The following DAB1 variants were observed in gnomAD, a reference collection of about 807,000 sequenced individuals.
The protein encoded by DAB1 is disabled homolog 1.
Under a neutral mutation model 64.6 loss-of-function variants are expected in DAB1, and 15 were observed. The observed-to-expected ratio is 0.23, with a 90% CI of 0.16 to 0.36. The LOEUF is 0.36. Ranked by LOEUF, DAB1 falls within the 10% of genes least tolerant of loss-of-function variation. The pLI is 1.00. For synonymous variants in DAB1, 235 were observed against 251.9 expected (o/e 0.93, Z 0.64); for missense variants, 596 against 706.7 (o/e 0.84, Z 1.78).
At chr1:57,087,991 T>G (rs1025803308) in intron 4 of DAB1, among the ~76,000 whole-genome samples, 1 of 152,190 alleles carries the variant, frequency 6.6e-6, no homozygotes, top group Non-Finnish European at 1.5e-5. Flanking sequence ...TCTACTTGGC[T>G]CCTCTGAGCC....
chr1:57,082,999 T>C (rs1570657830), intron 4 of DAB1, among the ~76,000 whole-genome samples: 3 of 152,168 alleles, frequency 2.0e-5, no homozygotes, highest in South Asian at 4.1e-4. Context: ...ATTCCCAAAA[T>C]TGGAAGATTC....
intron 5 of DAB1, among the ~76,000 whole-genome samples, chr1:58,104,703 A>G (rs1368444992): frequency 6.6e-6 from 1 of 152,228 alleles, no homozygotes; most frequent in African/African-American, 2.4e-5. Context: ...AGGGAGACAG[A>G]TGAGATAGCT....
At chr1:58,467,700 A>C (rs1447009445) in intron 3 of DAB1, among the ~76,000 whole-genome samples, 5 of 152,236 alleles carry the variant, frequency 3.3e-5, no homozygotes, top group African/African-American at 1.2e-4. Flanking sequence ...AAATTATTTT[A>C]TTATTTTTCA....
chr1:58,076,166 C>T (rs1414735171), intron 5 of DAB1, among the ~76,000 whole-genome samples: 1 of 152,126 alleles, frequency 6.6e-6, no homozygotes, highest in African/African-American at 2.4e-5. Flanking sequence ...GACAAAGATC[C>T]TTCTGTGATG....
intron 3 of DAB1, among the ~76,000 whole-genome samples, chr1:58,347,961 C>G (rs1158127391): frequency 6.6e-6 from 1 of 152,208 alleles, no homozygotes; most frequent in East Asian, 1.9e-4. Context: ...CTGGGAATGA[C>G]TATCCTCCAA....
chr1:57,011,165 T>G lies in DAB1; in HGVS notation c.1552A>C (p.Lys518Gln). ...IFEEGFESPSKSEEQEAPDGS... is the reference protein window; with the variant it reads ...IFEEGFESPSQSEEQEAPDGS... ...CTTACAGCTTCTTGCTCTTCGCTTT[T>G]GCTGGGACTTTCAAAGCCCTCTTCA... Residue 518 changes from lysine (K) to glutamine (Q), a missense_variant, in exon 13 of 15, where the codon AAA becomes CAA. Lys to Gln is a moderately conservative substitution (Grantham distance 53). Coordinates refer to ENST00000371236, the MANE Select transcript of DAB1 (RefSeq NM_001365792.1). 6.2e-7 allele frequency: 1 copy of G among 1,614,088 alleles called. No homozygotes were observed. Among genetic ancestry groups the G allele is most frequent in the Non-Finnish European group, 8.5e-7 (1 of 1,179,916 alleles).
chr1:57,015,843 C>G (rs538705001), intron 11 of DAB1, among the ~76,000 whole-genome samples: 1 of 152,334 alleles, frequency 6.6e-6, no homozygotes, highest in East Asian at 1.9e-4. Context: ...CTCTAAGAGT[C>G]TGACTCTTTG....
chr1:58,024,005 C>T lies in DAB1; in HGVS notation n.387+126506G>A, dbSNP rs117462750. ...CCCAGCCTCTTCTTGCTTTCTGCTG[C>T]GTAATTTATCCTTGAGAGTGGCATG... On this transcript the variant is annotated intron_variant and non_coding_transcript_variant, in intron 5 of 20. Coordinates refer to the DAB1 transcript ENST00000485760. 4.5e-4 allele frequency among the ~76,000 whole-genome samples: 69 copies of T among 152,240 alleles called. No individual in the cohort carries two copies. In the East Asian group the frequency reaches 9.5e-3, roughly 21 times the overall value.
At chr1:58,041,471 G>C (rs924729782) in intron 5 of DAB1, among the ~76,000 whole-genome samples, 4 of 152,110 alleles carry the variant, frequency 2.6e-5, no homozygotes, top group Non-Finnish European at 5.9e-5. Context: ...TGAGCATTAA[G>C]GTCTATATAC....
chr1:57,136,729 C>A, intron 3 of DAB1, 88 bp from the exon 4 acceptor site: 1 of 679,516 alleles, frequency 1.5e-6, no homozygotes, highest in Non-Finnish European at 2.3e-6. Context: ...TACCATCAAC[C>A]AATGCCACCA....
intron 5 of DAB1, among the ~76,000 whole-genome samples, chr1:57,954,877 G>A (rs1645356174): frequency 6.6e-6 from 1 of 152,154 alleles, no homozygotes; most frequent in African/African-American, 2.4e-5. Context: ...AGTTCTAGGT[G>A]ACAAATGGGG....
chr1:57,130,980 T>G (rs1657605968), intron 4 of DAB1, among the ~76,000 whole-genome samples: 1 of 152,194 alleles, frequency 6.6e-6, no homozygotes, highest in Non-Finnish European at 1.5e-5. Context: ...CATAGGAAAA[T>G]ATCTTTTGCC....
intron 7 of DAB1, among the ~76,000 whole-genome samples, chr1:57,562,381 C>A (rs1645063103): frequency 6.6e-6 from 1 of 152,054 alleles, no homozygotes; most frequent in African/African-American, 2.4e-5. Flanking sequence ...TCAAAAAAAA[C>A]AAAAACAAAA....
intron 4 of DAB1, among the ~76,000 whole-genome samples, chr1:57,098,443 T>A (rs570630719): frequency 3.9e-5 from 6 of 152,162 alleles, no homozygotes. Context: ...TGAAAACAGC[T>A]CACGGACCCC....
intron 6 of DAB1, among the ~76,000 whole-genome samples, chr1:57,677,722 A>G (rs563490367): frequency 2.0e-5 from 3 of 152,348 alleles, no homozygotes; most frequent in Non-Finnish European, 4.4e-5. Context: ...AATCAGAGGC[A>G]TGGGGAAATC....
intron 5 of DAB1, among the ~76,000 whole-genome samples, chr1:57,904,982 T>A (rs2749275): frequency 0.19 from 29,401 of 152,124 alleles, 3,106 homozygotes; most frequent in Admixed American, 0.29. Flanking sequence ...GTATGGTAAT[T>A]ATAGCTAATG....
At chr1:57,522,644 T>A (rs942864914) in intron 7 of DAB1, among the ~76,000 whole-genome samples, 17 of 152,158 alleles carry the variant, frequency 1.1e-4, no homozygotes, top group Non-Finnish European at 1.9e-4. Flanking sequence ...ATGGTTAACA[T>A]TGAGAATCAA....
intron 2 of DAB1, among the ~76,000 whole-genome samples, chr1:58,507,968 T>C (rs1646015546): frequency 6.6e-6 from 1 of 152,198 alleles, no homozygotes; most frequent in Non-Finnish European, 1.5e-5. Context: ...AACATGAAGT[T>C]TGTCTGCTAC....
At chr1:58,541,614 C>A (rs1442075894) in intron 1 of DAB1, 11 of 65,630 alleles carry the variant, frequency 1.7e-4, no homozygotes, top group South Asian at 7.5e-4. Flanking sequence ...GAGAACCTGT[C>A]AAAAAAAAAA....
Sources: gnomAD v4.1 joint callset for allele counts (sites outside exome capture counted in the v4.1 genomes callset) on GRCh38, gnomAD v4.1.1 for gene constraint, MANE v1.5 for transcripts, NCBI Gene and HGNC (gene_info 2026-07-23, HGNC 2026-07-21) for gene names.